The following PPEF2 variants were observed in gnomAD, a reference collection of about 807,000 sequenced individuals.
The protein encoded by PPEF2 is serine/threonine-protein phosphatase with EF-hands 2.
PPEF2 carries 84 observed loss-of-function variants against 84.7 expected under a neutral mutation model. The observed-to-expected ratio is 0.99, with a 90% CI of 0.83 to 1.19. PPEF2 has a LOEUF of 1.19. PPEF2 is among the 50% of genes most tolerant of loss of function. PPEF2 has a pLI of 0.00. For synonymous variants in PPEF2, 346 were observed against 345.2 expected, an observed-to-expected ratio of 1.00 and a Z score of -0.03; for missense variants, 924 against 937.5, an observed-to-expected ratio of 0.99 and a Z score of 0.19.
chr4:75,895,604 C>T (rs376007735), intron 2 of PPEF2, among the ~76,000 whole-genome samples: 12 of 151,258 alleles, frequency 7.9e-5, no homozygotes, highest in South Asian at 6.3e-4. Flanking sequence ...TGGTCGCGGG[C>T]GCCTGAAATC....
At chr4:75,886,391 G>A (rs1001121390) in intron 7 of PPEF2, among the ~76,000 whole-genome samples, 4 of 152,174 alleles carry the variant, frequency 2.6e-5, no homozygotes, top group Non-Finnish European at 4.4e-5. Context: ...CCGGAAAGGC[G>A]GCCGCCCCTC....
In PPEF2 at chr4:75,888,236, G is replaced by T; in HGVS notation, c.510C>A (p.Tyr170Ter). 1 of 1,612,954 alleles carries T rather than the reference G, an allele frequency of 6.2e-7. No individual in the cohort carries two copies. The highest frequency in any genetic ancestry group is 1.1e-5 in the South Asian group (1 of 91,050). ...LPNINRVSTC[Y>*]SEEITVCGDL... ...TACCACACACTGTGATCTCCTCACT[G>T]TAACAGGTTGAGACCCGGTTGATGT... The change falls in exon 6 of 17, where the codon TAC becomes TAA. Residue 170 changes from tyrosine to a stop codon, truncating the protein, a stop_gained. Transcript: ENST00000286719. LOFTEE classifies it high-confidence loss of function.
intron 13 of PPEF2, among the ~76,000 whole-genome samples, chr4:75,868,451 A>T (rs1347842114): frequency 6.6e-6 from 1 of 152,184 alleles, no homozygotes; most frequent in East Asian, 1.9e-4. Flanking sequence ...AGTTAAAAAA[A>T]ATTAAATCAT....
rs2047982 is a variant in PPEF2, at chr4:75,876,237, T to G, written c.1320+50A>C. On this transcript the variant is annotated intron_variant, in intron 11 of 16. Transcript: ENST00000286719. ...CTGAGTTTCCCTGGAAGGGAGAGTTTTGACCTGTTGGCAGCCACATGCTAG... is the reference window on the plus strand; with the variant it reads ...CTGAGTTTCCCTGGAAGGGAGAGTTGTGACCTGTTGGCAGCCACATGCTAG... The G allele has an allele frequency of 3.8e-3, 5,803 of 1,534,948 alleles. 191 individuals are homozygous for G. The African/African-American group carries it at 0.072, about 19-fold the overall frequency.
chr4:75,873,388 G>C, intron 11 of PPEF2, 76 bp from the exon 12 acceptor site: 1 of 1,288,462 alleles, frequency 7.8e-7, no homozygotes, highest in Non-Finnish European at 1.1e-6. Flanking sequence ...ATGAAAGGAA[G>C]AGGAGGAGGA....
chr4:75,897,313 T>C (rs1211601800), intron 1 of PPEF2, among the ~76,000 whole-genome samples: 1 of 152,232 alleles, frequency 6.6e-6, no homozygotes, highest in African/African-American at 2.4e-5. Flanking sequence ...TAGTCTCAAA[T>C]ATCTGTTGAT....
chr4:75,893,458 A>G (rs1247789582), intron 2 of PPEF2, among the ~76,000 whole-genome samples: 3 of 151,104 alleles, frequency 2.0e-5, no homozygotes, highest in African/African-American at 7.3e-5. Flanking sequence ...AGATCGTACC[A>G]CTGCACTTTA....
chr4:75,861,365 A>G (rs1723995214), intron 16 of PPEF2, among the ~76,000 whole-genome samples: 1 of 151,752 alleles, frequency 6.6e-6, no homozygotes, highest in African/African-American at 2.4e-5. Context: ...GACCCCATAC[A>G]TCTATAGTCA....
At chr4:75,867,497 T>C in intron 13 of PPEF2, 78 bp from the exon 14 acceptor site, 1 of 1,072,166 alleles carries the variant, frequency 9.3e-7, no homozygotes, top group Non-Finnish European at 1.4e-6. Flanking sequence ...ATATTTCCAC[T>C]CTCTCTTTCT....
At chr4:75,877,005 A>AAAAAG (rs1724434744) in intron 10 of PPEF2, among the ~76,000 whole-genome samples, 1 of 137,136 alleles carries the variant, frequency 7.3e-6, no homozygotes, top group African/African-American at 3.3e-5. Flanking sequence ...GAGACCCTGA[A>AAAAAG]AAAAGAAAGA....
intron 11 of PPEF2, among the ~76,000 whole-genome samples, chr4:75,874,048 C>T (rs1295840147): frequency 6.6e-6 from 1 of 151,762 alleles, no homozygotes. Flanking sequence ...AGGGAAGTTG[C>T]AGTGAGCAGA....
rs1271900697 is a variant in PPEF2, at chr4:75,861,921, T to G, written c.2009-1001A>C. Among the ~76,000 whole-genome samples, 4 of 151,152 alleles carry G rather than the reference T, an allele frequency of 2.6e-5. No homozygotes were observed. The East Asian group carries it at 8.0e-4, about 30-fold the overall frequency. ...ACCGTGACTAGCCTATGCAACAGTT[T>G]TATAGCTAAAAAAAGCTATAACACC... On this transcript the variant is annotated intron_variant, in intron 16 of 16. Coordinates refer to ENST00000286719, the MANE Select transcript of PPEF2 (RefSeq NM_006239.3).
At position 75,888,291 on chromosome 4, in the gene PPEF2, T is replaced by C. The variant is rs1724784765; in HGVS notation, c.455A>G (p.Glu152Gly). The C allele has an allele frequency of 6.2e-7, 1 of 1,614,092 alleles. No homozygotes were observed. The highest frequency in any genetic ancestry group is 1.3e-5 in the African/African-American group (1 of 75,034). Reference sequence around the variant, plus strand: ...CAGCTGTACCAGATGTTTCTTGGTTTCATACAAAAGGTTCAAGACGTAGCG... The same window carrying C: ...CAGCTGTACCAGATGTTTCTTGGTTCCATACAAAAGGTTCAAGACGTAGCG... ...HARYVLNLLY[E>G]TKKHLVQLPN... is the part of the protein sequence containing the mutation. The change falls in exon 6 of 17, where the codon GAA (glutamate) becomes GGA (glycine). Residue 152 changes from glutamate to glycine, a missense_variant. Transcript: ENST00000286719.
rs1334295390 is a variant in PPEF2, at chr4:75,891,949, A to G, written c.85T>C (p.Trp29Arg). 6.2e-7 allele frequency: 1 copy of G among 1,613,914 alleles called. No individual in the cohort carries two copies. Among genetic ancestry groups the G allele is most frequent in the African/African-American group, 1.3e-5 (1 of 74,910 alleles). The stretch of plus-strand genomic sequence containing the variant: ...AGGCGGGCCACGTAGCGCCGGTACC[A>G]TCTCTGGATCAGGGCTGCTGCCTTG... ...AFKAAALIQRWYRRYVARLEM... is the reference protein window; with the variant it reads ...AFKAAALIQRRYRRYVARLEM... Residue 29 changes from tryptophan (W) to arginine (R), a missense_variant, in exon 3 of 17, where the codon TGG becomes CGG. Transcript: ENST00000286719.
chr4:75,860,727 T>G lies in PPEF2; in HGVS notation c.2202A>C (p.Ser734=), dbSNP rs2149211668. 1 of 1,614,252 alleles carries G rather than the reference T, an allele frequency of 6.2e-7. No homozygotes were observed. The highest frequency in any genetic ancestry group is 1.1e-5 in the South Asian group (1 of 91,090). Residue 734 remains serine, a synonymous_variant, in exon 17 of 17, where the codon TCA becomes TCC. Coordinates refer to ENST00000286719, the MANE Select transcript of PPEF2 (RefSeq NM_006239.3). ...TAGCATTTGTAGCTTGTGGGCATTC[T>G]GAGGCATCGCCCTCTGGGCAGGATT... ...VEKSCPEGDA[S]ECPQATNAKD...
At chr4:75,898,979 G>A (rs1012080376) in intron 1 of PPEF2, among the ~76,000 whole-genome samples, 2 of 151,876 alleles carry the variant, frequency 1.3e-5, no homozygotes, top group Non-Finnish European at 2.9e-5. Context: ...CTGTAACATT[G>A]TACCTGTTAA....
Position 75,891,883 on chromosome 4 carries a change from T to C in PPEF2, c.151A>G (p.Ile51Val), listed in dbSNP as rs150101422. Reference sequence around the variant, plus strand: ...TGGTCTTGCTGCCCAGCATATTCTATAGACTGGAAGATGCTCCAGGTGCAA... The same window carrying C: ...TGGTCTTGCTGCCCAGCATATTCTACAGACTGGAAGATGCTCCAGGTGCAA... Reference protein sequence around the residue: ...RRCTWSIFQSIEYAGQQDQVK... With the variant: ...RRCTWSIFQSVEYAGQQDQVK... Residue 51 changes from isoleucine to valine, a missense_variant, in exon 3 of 17, where the codon ATA becomes GTA. Physicochemically the swap from Ile to Val is conservative, Grantham distance 29. Coordinates refer to ENST00000286719, the MANE Select transcript of PPEF2 (RefSeq NM_006239.3). 2 of 1,613,918 alleles carry C rather than the reference T, an allele frequency of 1.2e-6. No individual in the cohort carries two copies. The highest frequency in any genetic ancestry group is 1.3e-5 in the African/African-American group (1 of 74,908).
At chr4:75,890,209 G>T in intron 4 of PPEF2, 77 bp from the exon 5 acceptor site, 1 of 1,506,694 alleles carries the variant, frequency 6.6e-7, no homozygotes, top group Non-Finnish European at 9.1e-7. Context: ...AATAGTCCTT[G>T]GCTGGGCACG....
At position 75,862,313 on chromosome 4, in the gene PPEF2, A is replaced by T. The variant is rs1230790231; in HGVS notation, c.2009-1393T>A. ...ATCTCAAAAAAAAAAAAAAAAAAAAAAAAAAAAAACTTTCGGGCATCAAAG... is the reference window on the plus strand; with the variant it reads ...ATCTCAAAAAAAAAAAAAAAAAAAATAAAAAAAAACTTTCGGGCATCAAAG... On this transcript the variant is annotated intron_variant, in intron 16 of 16. Coordinates refer to ENST00000286719, the MANE Select transcript of PPEF2 (RefSeq NM_006239.3). 8.4e-5 allele frequency among the ~76,000 whole-genome samples: 6 copies of T among 71,472 alleles called. 1 individual carries two copies. The Admixed American group carries it at 9.3e-4, about 11-fold the overall frequency. 46.9% of individuals were successfully genotyped at this position (71,472 alleles called of 152,430 possible). A position where few individuals can be genotyped will look rare whatever the true frequency, so the allele number is the denominator to read the frequency against.
Sources: allele counts gnomAD v4.1 joint callset (sites outside exome capture counted in the v4.1 genomes callset), GRCh38; gene constraint gnomAD v4.1.1; transcripts MANE v1.5; gene names NCBI Gene and HGNC (gene_info 2026-07-23, HGNC 2026-07-21).